The following PTPRB variants were observed in gnomAD, a reference collection of about 807,000 sequenced individuals.
The protein encoded by PTPRB is protein tyrosine phosphatase receptor type B.
A neutral mutation model predicts 238.1 loss-of-function variants in PTPRB; 97 were observed. The ratio of observed to expected loss-of-function variants is 0.41; its 90% CI spans 0.35 to 0.48. PTPRB has a LOEUF of 0.48. Ranked by LOEUF, PTPRB falls within the 20% of genes least tolerant of loss-of-function variation. PTPRB has a pLI of 0.30. For missense variants in PTPRB, 2,292 were observed against 2,681.9 expected (o/e 0.85, Z 3.21); for synonymous variants, 970 against 995.4 (o/e 0.97, Z 0.48).
At position 70,590,182 on chromosome 12, in the gene PTPRB, G is replaced by C. The variant is rs777976457; in HGVS notation, c.1832C>G (p.Ser611Cys). 11 of 1,601,166 alleles carry C rather than the reference G, an allele frequency of 6.9e-6. No individual in the cohort carries two copies. The highest frequency in any genetic ancestry group is 7.7e-6 in the Non-Finnish European group (9 of 1,172,856). ...AGGGGGCGACCAGCTCACTACAAGA[G>C]ACCTCATCCTGCCATTATTGTTTGC... ...LEANNNGRMR[S>C]LVVSWSPPAG... Residue 611 changes from serine (S) to cysteine (C), a missense_variant, in exon 8 of 34, where the codon TCT (serine) becomes TGT (cysteine). Physicochemically the swap from Ser to Cys is moderately radical, Grantham distance 112. This residue lies in a region of PTPRB where 1,205 missense variants were observed against 1,287.8 expected (regional missense o/e 0.94). Transcript: ENST00000334414.
chr12:70,544,730 C>G (rs1875705159), intron 21 of PTPRB, 67 bp from the exon 22 acceptor site: 12 of 1,118,444 alleles, frequency 1.1e-5, no homozygotes, highest in Admixed American at 2.9e-5. Flanking sequence ...AAAATGTGTT[C>G]AAGGAGAAAT....
At chr12:70,542,376 G>T (rs1257121365) in intron 22 of PTPRB, 1 of 152,026 alleles carries the variant, frequency 6.6e-6, no homozygotes, top group Admixed American at 6.6e-5. Context: ...CCAGGAGTTC[G>T]AGACCAGCCT....
At chr12:70,541,108 G>C in intron 22 of PTPRB, 151 bp from the exon 23 acceptor site, 1 of 663,024 alleles carries the variant, frequency 1.5e-6, no homozygotes, top group Admixed American at 2.8e-5. Context: ...CTTTCCAAAG[G>C]CTCTGAGTAT....
chr12:70,525,098 T>G (rs1042032790), intron 32 of PTPRB, among the ~76,000 whole-genome samples: 1 of 152,062 alleles, frequency 6.6e-6, no homozygotes, highest in Non-Finnish European at 1.5e-5. Flanking sequence ...CTATGTAGCT[T>G]ACGTAAATTA....
intron 11 of PTPRB, among the ~76,000 whole-genome samples, chr12:70,573,500 CTTTTCTTTTTT>C (rs1880331611): frequency 3.3e-5 from 4 of 121,974 alleles, no homozygotes; most frequent in African/African-American, 1.1e-4. Flanking sequence ...TTTTTCTTTT[CTTTTCTTTTTT>C]TTTTTTTTTT....
Position 70,544,629 on chromosome 12 carries a change from C to T in PTPRB, c.5422G>A (p.Glu1808Lys). Reference sequence around the variant, plus strand: ...GGCTTTGTGAATTCCTTCAGGTCCTCATCAAAGAGCTGTGTAAAAGCTCGA... The same window carrying T: ...GGCTTTGTGAATTCCTTCAGGTCCTTATCAAAGAGCTGTGTAAAAGCTCGA... ...SIRAFTQLFDEDLKEFTKPLY... is the reference protein window; with the variant it reads ...SIRAFTQLFDKDLKEFTKPLY... Residue 1808 changes from glutamate to lysine, a missense_variant, in exon 22 of 34, where the codon GAG (glutamate) becomes AAG (lysine). Glu to Lys is a moderately conservative substitution (Grantham distance 56). Coordinates refer to ENST00000334414, the MANE Select transcript of PTPRB (RefSeq NM_001109754.4). The T allele has an allele frequency of 6.3e-7, 1 of 1,597,524 alleles. No homozygotes were observed. The highest frequency in any genetic ancestry group is 1.1e-5 in the South Asian group (1 of 87,394).
intron 13 of PTPRB, among the ~76,000 whole-genome samples, chr12:70,570,618 G>A (rs1879918961): frequency 6.6e-6 from 1 of 152,156 alleles, no homozygotes; most frequent in Non-Finnish European, 1.5e-5. Context: ...AAAGCATTGT[G>A]AAGACTGAAC....
intron 9 of PTPRB, among the ~76,000 whole-genome samples, chr12:70,584,396 G>C (rs894975049): frequency 3.3e-5 from 5 of 152,094 alleles, no homozygotes; most frequent in African/African-American, 1.2e-4. Flanking sequence ...ACACTAGTTG[G>C]AAAGTACAGA....
At chr12:70,580,818 C>CAAA (rs367612705) in intron 10 of PTPRB, among the ~76,000 whole-genome samples, 1 of 108,122 alleles carries the variant, frequency 9.2e-6, no homozygotes, top group African/African-American at 3.3e-5. Flanking sequence ...AATTCCGTCT[C>CAAA]AAAAAAAAAA....
chr12:70,567,205 A>G (rs531285636), intron 14 of PTPRB, among the ~76,000 whole-genome samples: 6 of 152,216 alleles, frequency 3.9e-5, no homozygotes, highest in Non-Finnish European at 7.3e-5. Flanking sequence ...TATTATAATA[A>G]TATTTTCTGT....
intron 7 of PTPRB, 118 bp downstream of exon 7, chr12:70,592,164 T>C (rs1882549333): frequency 2.1e-6 from 3 of 1,417,064 alleles, no homozygotes; most frequent in East Asian, 2.3e-5. Context: ...TTCAGTTACA[T>C]AGGCTCCACT....
At chr12:70,622,945 A>AT in intron 2 of PTPRB, among the ~76,000 whole-genome samples, 1 of 132,892 alleles carries the variant, frequency 7.5e-6, no homozygotes, top group Non-Finnish European at 1.6e-5. Context: ...TTCTATGAGA[A>AT]TTTAGGGGGG....
chr12:70,588,103 AAAAAAAAAAAG>A (rs1474435499), intron 8 of PTPRB, among the ~76,000 whole-genome samples: 2 of 150,602 alleles, frequency 1.3e-5, no homozygotes, highest in Admixed American at 1.3e-4. Flanking sequence ...CTCAAAAAAA[AAAAAAAAAAAG>A]AAAAGAAAAG....
chr12:70,630,387 C>T (rs1380816292), intron 2 of PTPRB, among the ~76,000 whole-genome samples: 3 of 152,146 alleles, frequency 2.0e-5, no homozygotes, highest in Admixed American at 2.0e-4. Flanking sequence ...GCTAAAAACT[C>T]TCAATAAACT....
At chr12:70,589,907 C>A in intron 8 of PTPRB, 57 bp downstream of exon 8, 1 of 1,536,306 alleles carries the variant, frequency 6.5e-7, no homozygotes, top group South Asian at 1.2e-5. Context: ...CCTGGGTTAC[C>A]TGGGAGAGGG....
chr12:70,571,159 A>G lies in PTPRB; in HGVS notation c.3237T>C (p.Phe1079=). 6.2e-7 allele frequency: 1 copy of G among 1,613,998 alleles called. No homozygotes were observed. The highest frequency in any genetic ancestry group is 8.5e-7 in the Non-Finnish European group (1 of 1,179,890). ...IQLLFNDMKV[F]PPFHLVNTAT... is the part of the protein sequence containing the mutation. ...CGGTATTTACAAGGTGAAAAGGAGG[A>G]AATACTTTCATGTCATTGAAGAGCA... Residue 1079 remains phenylalanine (F), a synonymous_variant, in exon 13 of 34, where the codon TTT becomes TTC. Transcript: ENST00000334414.
At chr12:70,537,749 T>C (rs557799050) in intron 28 of PTPRB, among the ~76,000 whole-genome samples, 1 of 152,322 alleles carries the variant, frequency 6.6e-6, no homozygotes, top group South Asian at 2.1e-4. Flanking sequence ...GGCAAGATGC[T>C]AACCAAAACC....
intron 33 of PTPRB, among the ~76,000 whole-genome samples, chr12:70,521,856 C>T (rs538134930): frequency 1.3e-5 from 2 of 152,218 alleles, no homozygotes; most frequent in Admixed American, 1.3e-4. Context: ...TTATCCTTTT[C>T]TATACCATAG....
At chr12:70,525,853 A>C (rs1257844675) in intron 32 of PTPRB, among the ~76,000 whole-genome samples, 1 of 152,236 alleles carries the variant, frequency 6.6e-6, no homozygotes, top group East Asian at 1.9e-4. Flanking sequence ...TGGGGATCCC[A>C]GTTTCCCCAC....
Sources: gnomAD v4.1 joint callset for allele counts (sites outside exome capture counted in the v4.1 genomes callset) on GRCh38, gnomAD v4.1.1 for gene constraint, gnomAD v4.1.1 regional missense constraint, MANE v1.5 for transcripts, NCBI Gene and HGNC (gene_info 2026-07-23, HGNC 2026-07-21) for gene names.